LMBRD2: variants seen among roughly 807,000 people sequenced by gnomAD.
LMBRD2 encodes LMBR1 domain containing 2, also known as G protein-coupled receptor-associated protein LMBRD2.
Under a neutral mutation model 94.4 loss-of-function variants are expected in LMBRD2, and 55 were observed. That is an observed-to-expected ratio of 0.58 (90% CI 0.47 to 0.73). The LOEUF (loss-of-function observed/expected upper bound fraction) is 0.73. Among genes scored for constraint, LMBRD2 ranks in the 30% least tolerant of loss-of-function variants. LMBRD2 has a pLI of 0.00. For synonymous variants in LMBRD2, 246 were observed against 272.4 expected (o/e 0.90, Z 0.95); for missense variants, 640 against 831.9 (o/e 0.77, Z 2.84).
chr5:36,143,123 C>T (rs1279740808), intron 2 of LMBRD2, 53 bp downstream of exon 2: 4 of 1,176,288 alleles, frequency 3.4e-6, no homozygotes, highest in Non-Finnish European at 3.7e-6. Flanking sequence ...TTCCAACATG[C>T]TGTATGATTA....
intron 16 of LMBRD2, among the ~76,000 whole-genome samples, chr5:36,106,509 G>GTTTTTTTTTTTT (rs70973085): frequency 8.4e-6 from 1 of 119,410 alleles, no homozygotes; most frequent in African/African-American, 3.6e-5. Flanking sequence ...TTTTTCTTTC[G>GTTTTTTTTTTTT]TTTTTTTTTT....
At chr5:36,118,402 G>A (rs1581047864) in intron 9 of LMBRD2, among the ~76,000 whole-genome samples, 1 of 152,258 alleles carries the variant, frequency 6.6e-6, no homozygotes, top group East Asian at 1.9e-4. Flanking sequence ...AATAAGGTCT[G>A]TAAATAATGG....
chr5:36,114,982 A>T (rs1196804937), intron 12 of LMBRD2, 33 bp downstream of exon 12: 12 of 1,349,340 alleles, frequency 8.9e-6, no homozygotes, highest in Non-Finnish European at 1.2e-5. Flanking sequence ...TAGATAGTGA[A>T]CCTAAGGAAT....
chr5:36,112,016 A>C (rs943230643), intron 13 of LMBRD2, among the ~76,000 whole-genome samples: 7 of 152,016 alleles, frequency 4.6e-5, no homozygotes, highest in African/African-American at 1.7e-4. Flanking sequence ...GTACTTCTAC[A>C]CAGAGAGGGA....
chr5:36,142,410 C>T, intron 3 of LMBRD2, 92 bp downstream of exon 3: 1 of 657,218 alleles, frequency 1.5e-6, no homozygotes, highest in South Asian at 1.9e-5. Flanking sequence ...GGATAACTTA[C>T]ATAAATATAA....
intron 6 of LMBRD2, among the ~76,000 whole-genome samples, chr5:36,135,242 C>T (rs761509402): frequency 6.6e-6 from 1 of 152,160 alleles, no homozygotes; most frequent in Non-Finnish European, 1.5e-5. Context: ...CTCCGTGCCT[C>T]ATATTCTTCA....
At chr5:36,119,954 A>G (rs1743846864) in intron 9 of LMBRD2, among the ~76,000 whole-genome samples, 1 of 151,662 alleles carries the variant, frequency 6.6e-6, no homozygotes, top group South Asian at 2.1e-4. Flanking sequence ...TGTCTTAGAA[A>G]TTCTCTATTG....
chr5:36,149,937 A>C (rs553972997), intron 1 of LMBRD2, among the ~76,000 whole-genome samples: 1 of 152,290 alleles, frequency 6.6e-6, no homozygotes, highest in Admixed American at 6.5e-5. Flanking sequence ...AATCAGAAAA[A>C]ATAAGATACA....
intron 13 of LMBRD2, among the ~76,000 whole-genome samples, chr5:36,112,580 A>C (rs892844547): frequency 6.6e-6 from 1 of 152,208 alleles, no homozygotes; most frequent in African/African-American, 2.4e-5. Context: ...CCGAAAATTA[A>C]GGAATACAAC....
In LMBRD2 at chr5:36,104,021, G is replaced by C; in HGVS notation, c.*25C>G. 1 of 1,576,934 alleles carries C rather than the reference G, an allele frequency of 6.3e-7. No homozygotes were observed. Among genetic ancestry groups the C allele is most frequent in the East Asian group, 2.3e-5 (1 of 44,104 alleles). ...TGAACTGATGTGTTGACCTTGGTTA[G>C]TGGTCCCACAAACTTTTTCAGACTT... On this transcript the variant is annotated 3_prime_UTR_variant, in exon 18 of 18. Transcript: ENST00000296603.
Position 36,100,889 on chromosome 5 carries a change from C to T in LMBRD2, c.*3157G>A, listed in dbSNP as rs1743333355. 6.6e-6 allele frequency: 1 copy of T among 151,930 alleles called. No individual in the cohort carries two copies. Among genetic ancestry groups the T allele is most frequent in the African/African-American group, 2.4e-5 (1 of 41,390 alleles). 9.4% of individuals were successfully genotyped at this position (151,930 alleles called of 1,614,324 possible). ...TAAATTAAATTGCTCCATTAATATG[C>T]TAAAATATACTTTTAAAAAACCACA... On this transcript the variant is annotated 3_prime_UTR_variant, in exon 18 of 18. Coordinates refer to ENST00000296603, the MANE Select transcript of LMBRD2 (RefSeq NM_001007527.2).
intron 4 of LMBRD2, among the ~76,000 whole-genome samples, chr5:36,138,442 A>G (rs1744322148): frequency 6.6e-6 from 1 of 152,234 alleles, no homozygotes; most frequent in African/African-American, 2.4e-5. Context: ...GAGCAAAGAG[A>G]GATGCAAAAA....
Position 36,116,546 on chromosome 5 carries a change from A to G in LMBRD2, c.1350T>C (p.Ser450=). ...TAAATACACGAATCCTGAACACAGT[A>G]GAATAAACACAGATACTTAGGAAGA... is the stretch of plus-strand genomic sequence containing the variant. ...SIFFLSICVY[S]TVFRIRVFNY... is the part of the protein sequence containing the mutation. Residue 450 remains serine, a synonymous_variant, in exon 11 of 18, where the codon TCT becomes TCC. Transcript: ENST00000296603. 6.2e-7 allele frequency: 1 copy of G among 1,613,610 alleles called. No individual in the cohort carries two copies. The highest frequency in any genetic ancestry group is 8.5e-7 in the Non-Finnish European group (1 of 1,179,554).
In LMBRD2 at chr5:36,104,117, A is replaced by G; in HGVS notation, c.2028-11T>C. ...CCACCAGGCTGATACCTAAAAAGGG[A>G]ACATAAAGAAATGATCTGAGGCATC... On this transcript the variant is annotated splice_polypyrimidine_tract_variant and intron_variant, in intron 17 of 17. Coordinates refer to ENST00000296603, the MANE Select transcript of LMBRD2 (RefSeq NM_001007527.2). The G allele has an allele frequency of 6.2e-7, 1 of 1,602,236 alleles. No individual in the cohort carries two copies. The highest frequency in any genetic ancestry group is 8.5e-7 in the Non-Finnish European group (1 of 1,170,260).
In LMBRD2 at chr5:36,112,852, A is replaced by G. The variant is rs559221135; in HGVS notation, c.1640+1572T>C. On this transcript the variant is annotated intron_variant, in intron 13 of 17. Transcript: ENST00000296603. ...ATACAAGTTCTTAATGTTCCACTTTATTAACTTTTCAAATGATTAAGCACA... is the reference window on the plus strand; with the variant it reads ...ATACAAGTTCTTAATGTTCCACTTTGTTAACTTTTCAAATGATTAAGCACA... Among the ~76,000 whole-genome samples the G allele has an allele frequency of 5.9e-5, 9 of 152,308 alleles. No homozygotes were observed. In the South Asian group the frequency reaches 1.9e-3, roughly 32 times the overall value.
chr5:36,119,252 T>C (rs1743831733), intron 9 of LMBRD2, among the ~76,000 whole-genome samples: 2 of 152,148 alleles, frequency 1.3e-5, no homozygotes, highest in Non-Finnish European at 2.9e-5. Context: ...CAATTACTTG[T>C]TGCTATAGTG....
intron 13 of LMBRD2, among the ~76,000 whole-genome samples, chr5:36,113,038 A>T (rs1030878209): frequency 6.6e-6 from 1 of 152,128 alleles, no homozygotes; most frequent in African/African-American, 2.4e-5. Context: ...AAGGGAGGAG[A>T]ACACCCCTCA....
rs1306531419 is a variant in LMBRD2 at position 36,118,690 on chromosome 5, G to T, written c.1121-774C>A. 3.4e-5 allele frequency among the ~76,000 whole-genome samples: 5 copies of T among 148,544 alleles called. No individual in the cohort carries two copies. In the South Asian group the frequency reaches 8.4e-4, roughly 25 times the overall value. On this transcript the variant is annotated intron_variant, in intron 9 of 17. Coordinates refer to ENST00000296603, the MANE Select transcript of LMBRD2 (RefSeq NM_001007527.2). The stretch of plus-strand genomic sequence containing the variant: ...TTTTGAGATGGAGTCTCGCTCTGTC[G>T]CCCAGGCTGGAGTGCAGTGGCATGA...
chr5:36,115,130 A>G lies in LMBRD2; in HGVS notation c.1437-10T>C, dbSNP rs750642334. 6.5e-7 allele frequency: 1 copy of G among 1,541,304 alleles called. No homozygotes were observed. The highest frequency in any genetic ancestry group is 1.8e-5 in the Admixed American group (1 of 57,016). On this transcript the variant is annotated splice_polypyrimidine_tract_variant and intron_variant, in intron 11 of 17. Coordinates refer to ENST00000296603, the MANE Select transcript of LMBRD2 (RefSeq NM_001007527.2). Reference sequence around the variant, plus strand: ...CAAACGGCAAAATAGCCTGCAACAAACATTTAAAAATATGTATATAAAAAG... The same window carrying G: ...CAAACGGCAAAATAGCCTGCAACAAGCATTTAAAAATATGTATATAAAAAG...
Sources: gnomAD v4.1 joint callset for allele counts (sites outside exome capture counted in the v4.1 genomes callset) on GRCh38, gnomAD v4.1.1 for gene constraint, MANE v1.5 for transcripts, NCBI Gene and HGNC (gene_info 2026-07-23, HGNC 2026-07-21) for gene names.